Variants in TMEM131 observed in about 807,000 individuals in gnomAD.
The protein encoded by TMEM131 is transmembrane protein 131.
TMEM131 carries 66 observed loss-of-function variants against 211.6 expected under a neutral mutation model. The observed-to-expected ratio is 0.31, with a 90% CI of 0.26 to 0.38. The LOEUF (loss-of-function observed/expected upper bound fraction) is 0.38, where lower values mean the gene tolerates loss of function less well. Among genes scored for constraint, TMEM131 ranks in the 10% least tolerant of loss-of-function variants. The pLI, the probability that TMEM131 is intolerant of heterozygous loss-of-function variation, is 1.00. For missense variants in TMEM131, 2,036 were observed against 2,299.3 expected (o/e 0.89, Z 2.34); for synonymous variants, 844 against 841.3 (o/e 1.00, Z -0.06).
At chr2:97,994,634 C>T (rs1680410758) in intron 1 of TMEM131, among the ~76,000 whole-genome samples, 1 of 152,042 alleles carries the variant, frequency 6.6e-6, no homozygotes, top group African/African-American at 2.4e-5. Flanking sequence ...GTCAATTCTT[C>T]ATGAAGGCTC....
chr2:97,878,635 G>T (rs572420180), intron 4 of TMEM131, among the ~76,000 whole-genome samples: 9 of 152,216 alleles, frequency 5.9e-5, no homozygotes, highest in African/African-American at 2.2e-4. Flanking sequence ...CTCGTAAGTG[G>T]GAGTTGAACA....
rs529508081 is a variant in TMEM131 at position 97,844,873 on chromosome 2, C to G, written c.484-612G>C. On this transcript the variant is annotated intron_variant, in intron 5 of 40. Coordinates refer to ENST00000186436, the MANE Select transcript of TMEM131 (RefSeq NM_015348.2). ...AAGAGACTGAAATTGCGGTTCTGCC[C>G]TGAAACAAAGCCTTAAAGTGCATTT... is the stretch of plus-strand genomic sequence containing the variant. 6.6e-5 allele frequency among the ~76,000 whole-genome samples: 10 copies of G among 152,200 alleles called. No individual in the cohort carries two copies. The East Asian group carries it at 1.9e-3, about 29-fold the overall frequency.
chr2:97,877,787 T>C (rs1006033642), intron 4 of TMEM131, among the ~76,000 whole-genome samples: 1 of 152,136 alleles, frequency 6.6e-6, no homozygotes, highest in African/African-American at 2.4e-5. Context: ...AATCAGGACA[T>C]AGGCATGGGC....
intron 4 of TMEM131, among the ~76,000 whole-genome samples, chr2:97,862,288 A>T (rs915828289): frequency 3.3e-5 from 5 of 152,346 alleles, no homozygotes; most frequent in Admixed American, 3.3e-4. Context: ...TGTGAAGATT[A>T]AAATAAATAC....
chr2:97,959,558 C>CGTGTGTGT (rs34560570), intron 1 of TMEM131, among the ~76,000 whole-genome samples: 1 of 150,068 alleles, frequency 6.7e-6, no homozygotes, highest in Admixed American at 6.6e-5. Flanking sequence ...TATATGTCTG[C>CGTGTGTGT]GTGTGTGTGT....
At chr2:97,892,680 G>C (rs1675430922) in intron 3 of TMEM131, among the ~76,000 whole-genome samples, 1 of 151,972 alleles carries the variant, frequency 6.6e-6, no homozygotes, top group African/African-American at 2.4e-5. Context: ...TTCTTTTATG[G>C]TATGTGTTTT....
At chr2:97,790,592 G>A (rs1391692018) in intron 31 of TMEM131, among the ~76,000 whole-genome samples, 1 of 152,232 alleles carries the variant, frequency 6.6e-6, no homozygotes, top group Non-Finnish European at 1.5e-5. Context: ...GGTGTTGGAA[G>A]ACTGTGTTGA....
chr2:97,945,292 G>C (rs933874341), intron 1 of TMEM131, among the ~76,000 whole-genome samples: 3 of 152,138 alleles, frequency 2.0e-5, no homozygotes, highest in Admixed American at 2.0e-4. Context: ...CAGTTGTCAG[G>C]GGCTGGGAAG....
Position 97,836,811 on chromosome 2 carries a change from G to A in TMEM131, c.804+266C>T, listed in dbSNP as rs146292489. Among the ~76,000 whole-genome samples, 67 of 152,072 alleles carry A rather than the reference G, an allele frequency of 4.4e-4. 2 individuals are homozygous for A. In the East Asian group the frequency reaches 0.012, roughly 27 times the overall value. On this transcript the variant is annotated intron_variant, in intron 8 of 40. Coordinates refer to ENST00000186436, the MANE Select transcript of TMEM131 (RefSeq NM_015348.2). ...AGAGACAACTTTACCCATATAATTC[G>A]GAGGAAGAATAGCTGAAGTTACTTT...
At chr2:97,861,293 G>A (rs1340104926) in intron 4 of TMEM131, among the ~76,000 whole-genome samples, 1 of 151,776 alleles carries the variant, frequency 6.6e-6, no homozygotes, top group Non-Finnish European at 1.5e-5. Flanking sequence ...GACATGAGCT[G>A]GGGTGCCCAA....
chr2:97,841,565 A>G (rs1683195627), intron 7 of TMEM131, among the ~76,000 whole-genome samples: 2 of 152,210 alleles, frequency 1.3e-5, no homozygotes, highest in Admixed American at 6.5e-5. Flanking sequence ...CTATAACACC[A>G]GAGAAGACAC....
chr2:97,867,917 G>T (rs1296276677), intron 4 of TMEM131, among the ~76,000 whole-genome samples: 1 of 152,080 alleles, frequency 6.6e-6, no homozygotes, highest in Non-Finnish European at 1.5e-5. Flanking sequence ...CTGTTCTTAT[G>T]AAGATTTACA....
chr2:97,865,096 G>A (rs562268487), intron 4 of TMEM131, among the ~76,000 whole-genome samples: 2 of 152,220 alleles, frequency 1.3e-5, no homozygotes, highest in East Asian at 1.9e-4. Flanking sequence ...ATGGAACTGG[G>A]GCTCTCCATT....
rs114649138 is a variant in TMEM131, at chr2:97,809,872, C to T, written c.1969-98G>A. The T allele has an allele frequency of 1.5e-3, 1,300 of 860,532 alleles. 8 individuals are homozygous for T. In the African/African-American group the frequency reaches 0.017, roughly 11 times the overall value. The allele number at this position is 860,532 out of a possible 1,614,324, so 53.3% of individuals were successfully genotyped here. ...TTTTGGGGTTAACCTAATTTTGGGA[C>T]TAATATTGACAATAACCAGCTCCAT... is the stretch of plus-strand genomic sequence containing the variant. On this transcript the variant is annotated intron_variant, in intron 18 of 40. Coordinates refer to ENST00000186436, the MANE Select transcript of TMEM131 (RefSeq NM_015348.2).
chr2:97,889,842 G>T (rs536140099), intron 3 of TMEM131, among the ~76,000 whole-genome samples: 1 of 152,104 alleles, frequency 6.6e-6, no homozygotes, highest in Non-Finnish European at 1.5e-5. Context: ...CTACAGTGGG[G>T]AATAAAGAAA....
At chr2:97,869,357 G>A (rs1674399407) in intron 4 of TMEM131, among the ~76,000 whole-genome samples, 1 of 152,230 alleles carries the variant, frequency 6.6e-6, no homozygotes, top group African/African-American at 2.4e-5. Flanking sequence ...CTAGGAGCCT[G>A]GAAGCAGGAG....
At chr2:97,933,930 C>T (rs1677335363) in intron 1 of TMEM131, among the ~76,000 whole-genome samples, 1 of 152,040 alleles carries the variant, frequency 6.6e-6, no homozygotes. Context: ...ATCCTTCTTA[C>T]CAGTAAAAGA....
intron 3 of TMEM131, among the ~76,000 whole-genome samples, chr2:97,893,297 G>C (rs527406306): frequency 1.4e-5 from 2 of 143,588 alleles, no homozygotes; most frequent in East Asian, 3.9e-4. Flanking sequence ...ATCTTTGATG[G>C]ACATTTGGGT....
chr2:97,770,504 C>T (rs1226591610), intron 33 of TMEM131, among the ~76,000 whole-genome samples: 4 of 152,194 alleles, frequency 2.6e-5, no homozygotes, highest in South Asian at 2.1e-4. Context: ...CTTGACTAGG[C>T]GGTTCAGGAC....
Sources: gnomAD v4.1 joint callset for allele counts (sites outside exome capture counted in the v4.1 genomes callset) on GRCh38, gnomAD v4.1.1 for gene constraint, MANE v1.5 for transcripts, NCBI Gene and HGNC (gene_info 2026-07-23, HGNC 2026-07-21) for gene names.